Variants in CRPPA observed in about 807,000 individuals in gnomAD.
CRPPA encodes the protein D-ribitol-5-phosphate cytidylyltransferase.
A neutral mutation model predicts 52.0 loss-of-function variants in CRPPA; 43 were observed. The ratio of observed to expected loss-of-function variants is 0.83; its 90% confidence interval spans 0.65 to 1.07. CRPPA has a LOEUF of 1.07. Ranked by LOEUF, CRPPA falls within the 50% of genes least tolerant of loss-of-function variation. The pLI, the probability that CRPPA is intolerant of heterozygous loss-of-function variation, is 0.00. For missense variants in CRPPA, 629 were observed against 551.7 expected (o/e 1.14, Z -1.40); for synonymous variants, 250 against 203.5 (o/e 1.23, Z -1.94).
At chr7:16,175,928 G>C (rs914621621) in intron 9 of CRPPA, among the ~76,000 whole-genome samples, 4 of 152,072 alleles carry the variant, frequency 2.6e-5, no homozygotes, top group African/African-American at 9.7e-5. Context: ...AAGCATTTCA[G>C]AAAATGGTGG....
In CRPPA at chr7:16,219,712, C is replaced by T. The variant is rs1200933417; in HGVS notation, c.1120-3515G>A. On this transcript the variant is annotated intron_variant, in intron 8 of 9. Coordinates refer to ENST00000407010, the MANE Select transcript of CRPPA (RefSeq NM_001101426.4). ...ATCTAGAAGAAATGGATAAATTCCT[C>T]GACACATACACTCTCCCAAGACTAA... Among the ~76,000 whole-genome samples the T allele has an allele frequency of 1.1e-4, 13 of 116,598 alleles. 1 individual carries two copies. The highest frequency in any genetic ancestry group is 2.3e-4 in the African/African-American group (8 of 34,512). 76.5% of individuals were successfully genotyped at this position (116,598 alleles called of 152,430 possible). A position where few individuals can be genotyped will look rare whatever the true frequency, so the allele number is the denominator to read the frequency against.
At chr7:16,274,963 A>G (rs1232670116) in intron 6 of CRPPA, among the ~76,000 whole-genome samples, 1 of 151,996 alleles carries the variant, frequency 6.6e-6, no homozygotes, top group African/African-American at 2.4e-5. Context: ...TATAAAACCA[A>G]TATTTGGGAG....
intron 6 of CRPPA, chr7:16,269,184 A>G (rs1230766158): frequency 6.6e-6 from 1 of 152,154 alleles, no homozygotes; most frequent in Non-Finnish European, 1.5e-5. Context: ...TCTCCACAGC[A>G]CTGTGTGAGG....
At chr7:16,222,507 T>A (rs1259442479) in intron 8 of CRPPA, among the ~76,000 whole-genome samples, 2 of 151,984 alleles carry the variant, frequency 1.3e-5, no homozygotes, top group Admixed American at 6.6e-5. Context: ...TACAGTCAAA[T>A]ACATAAAGTA....
At chr7:16,387,080 T>C (rs1294806270) in intron 2 of CRPPA, among the ~76,000 whole-genome samples, 547 of 36,304 alleles carry the variant, frequency 0.015, 13 homozygotes, top group African/African-American at 0.056. Flanking sequence ...TATATATATA[T>C]ATATATACAC....
At chr7:16,410,839 C>A (rs747076846) in intron 1 of CRPPA, among the ~76,000 whole-genome samples, 4 of 152,176 alleles carry the variant, frequency 2.6e-5, no homozygotes, top group Non-Finnish European at 4.4e-5. Flanking sequence ...TCCCCGCCAG[C>A]CCTGCCCGAG....
At chr7:16,405,105 A>G (rs957463714) in intron 2 of CRPPA, among the ~76,000 whole-genome samples, 35 of 140,882 alleles carry the variant, frequency 2.5e-4, no homozygotes, top group East Asian at 4.0e-4. Context: ...TTTAAAGGGG[A>G]AAAAAAAAAA....
chr7:16,264,051 T>C (rs968487028), intron 6 of CRPPA, among the ~76,000 whole-genome samples: 4 of 152,214 alleles, frequency 2.6e-5, no homozygotes, highest in African/African-American at 9.6e-5. Context: ...GTAATTCTTT[T>C]AGTCATACTG....
intron 9 of CRPPA, among the ~76,000 whole-genome samples, chr7:16,118,177 C>T (rs1407773811): frequency 1.3e-5 from 2 of 152,172 alleles, no homozygotes; most frequent in African/African-American, 4.8e-5. Flanking sequence ...ATGAATTGGT[C>T]TCTGAATCCA....
intron 9 of CRPPA, among the ~76,000 whole-genome samples, chr7:16,103,278 G>A (rs769877502): frequency 2.0e-5 from 3 of 152,112 alleles, no homozygotes; most frequent in African/African-American, 4.8e-5. Context: ...CACAGGAAGG[G>A]GAACATCACA....
intron 3 of CRPPA, among the ~76,000 whole-genome samples, chr7:16,327,373 A>G (rs1785425821): frequency 6.6e-6 from 1 of 151,436 alleles, no homozygotes; most frequent in South Asian, 2.1e-4. Flanking sequence ...CGGGTGGATC[A>G]TGAGGTCAGG....
At chr7:16,215,692 T>C (rs891746534) in intron 9 of CRPPA, among the ~76,000 whole-genome samples, 9 of 152,222 alleles carry the variant, frequency 5.9e-5, no homozygotes, top group African/African-American at 2.2e-4. Context: ...GGTTGCCACG[T>C]AAATATAAGA....
At chr7:16,266,730 C>T (rs1464687663) in intron 6 of CRPPA, among the ~76,000 whole-genome samples, 2 of 152,150 alleles carry the variant, frequency 1.3e-5, no homozygotes, top group Non-Finnish European at 2.9e-5. Flanking sequence ...CCACCCGCCT[C>T]GGCCTCCTAA....
intron 2 of CRPPA, among the ~76,000 whole-genome samples, chr7:16,401,370 G>A (rs961102739): frequency 1.3e-5 from 2 of 152,188 alleles, no homozygotes; most frequent in South Asian, 4.1e-4. Flanking sequence ...ATTTTGGAAA[G>A]AATGGTCAGA....
At chr7:16,388,558 A>T (rs191664387) in intron 2 of CRPPA, among the ~76,000 whole-genome samples, 203 of 152,314 alleles carry the variant, frequency 1.3e-3, no homozygotes, top group African/African-American at 4.6e-3. Flanking sequence ...AAAGAAAAAA[A>T]GCCAAATATG....
At chr7:16,118,616 GA>G (rs1782424522) in intron 9 of CRPPA, among the ~76,000 whole-genome samples, 1 of 152,136 alleles carries the variant, frequency 6.6e-6, no homozygotes, top group Non-Finnish European at 1.5e-5. Flanking sequence ...TTGGACAAAG[GA>G]AAGAACTAGG....
chr7:16,107,858 T>C (rs973904792), intron 9 of CRPPA, among the ~76,000 whole-genome samples: 3 of 151,882 alleles, frequency 2.0e-5, no homozygotes, highest in African/African-American at 7.3e-5. Flanking sequence ...ATCAAAAATA[T>C]AAAATGTAGA....
chr7:16,241,420 T>C (rs564246889), intron 8 of CRPPA, among the ~76,000 whole-genome samples: 75 of 152,184 alleles, frequency 4.9e-4, no homozygotes, highest in African/African-American at 1.7e-3. Flanking sequence ...AATAAAATCA[T>C]TGTATATACA....
chr7:16,103,456 T>A (rs562870187), intron 9 of CRPPA, among the ~76,000 whole-genome samples: 25 of 152,148 alleles, frequency 1.6e-4, no homozygotes, highest in African/African-American at 4.8e-4. Flanking sequence ...AGTATAATTT[T>A]AAAAAAAGAA....
Sources: allele counts gnomAD v4.1 joint callset (sites outside exome capture counted in the v4.1 genomes callset), GRCh38; gene constraint gnomAD v4.1.1; transcripts MANE v1.5; gene names NCBI Gene and HGNC (gene_info 2026-07-23, HGNC 2026-07-21).